The following CERS3 variants were observed in gnomAD, a reference collection of about 807,000 sequenced individuals.
CERS3 encodes the protein ceramide synthase 3.
Under a neutral mutation model 50.3 loss-of-function variants are expected in CERS3, and 33 were observed. The observed-to-expected ratio is 0.66, with a 90% CI of 0.50 to 0.88. The LOEUF is 0.88. Ranked by LOEUF, CERS3 falls within the 40% of genes least tolerant of loss-of-function variation. The pLI, the probability that CERS3 is intolerant of heterozygous loss-of-function variation, is 0.00. For missense variants in CERS3, 470 were observed against 460.3 expected (o/e 1.02, Z -0.19); for synonymous variants, 176 against 155.2 (o/e 1.13, Z -0.99).
At chr15:100,503,986 A>G (rs556860357) in intron 2 of CERS3, 21 of 321,682 alleles carry the variant, frequency 6.5e-5, no homozygotes, top group South Asian at 9.7e-5. Flanking sequence ...TGGGAAGACT[A>G]GATCAGAGGG....
intron 11 of CERS3, among the ~76,000 whole-genome samples, chr15:100,436,692 G>A (rs2033422688): frequency 6.6e-6 from 1 of 152,026 alleles, no homozygotes; most frequent in Non-Finnish European, 1.5e-5. Context: ...TTTTAATAAT[G>A]CTAACAGACC....
chr15:100,484,963 T>TA (rs562110306), intron 4 of CERS3, among the ~76,000 whole-genome samples: 179 of 152,304 alleles, frequency 1.2e-3, no homozygotes, highest in Non-Finnish European at 2.2e-3. Flanking sequence ...CTTGTTCAGC[T>TA]AAAATGTGCT....
chr15:100,448,072 T>G (rs1394115782), intron 11 of CERS3, among the ~76,000 whole-genome samples: 1 of 152,246 alleles, frequency 6.6e-6, no homozygotes, highest in Non-Finnish European at 1.5e-5. Context: ...GAGCGTTATG[T>G]GCAATTTGGA....
chr15:100,480,942 T>A (rs563402110), intron 5 of CERS3, among the ~76,000 whole-genome samples: 2 of 152,198 alleles, frequency 1.3e-5, no homozygotes, highest in African/African-American at 4.8e-5. Context: ...ACTTAATTCA[T>A]TATGCAGTCT....
At chr15:100,486,523 A>G (rs2035490275) in intron 4 of CERS3, among the ~76,000 whole-genome samples, 1 of 152,226 alleles carries the variant, frequency 6.6e-6, no homozygotes, top group African/African-American at 2.4e-5. Flanking sequence ...TTGATGACCA[A>G]ACACAGAAAG....
chr15:100,502,680 TG>T (rs1288536720), intron 2 of CERS3, among the ~76,000 whole-genome samples: 2 of 152,220 alleles, frequency 1.3e-5, no homozygotes, highest in African/African-American at 4.8e-5. Flanking sequence ...TTCTGTTATT[TG>T]TGAAGAGCCG....
chr15:100,441,434 C>T (rs1467314329), intron 11 of CERS3, among the ~76,000 whole-genome samples: 1 of 151,956 alleles, frequency 6.6e-6, no homozygotes, highest in African/African-American at 2.4e-5. Flanking sequence ...CTTCCACGCC[C>T]CAACCCCTTT....
chr15:100,469,418 T>C lies in CERS3; in HGVS notation c.805A>G (p.Thr269Ala), dbSNP rs777328609. The C allele has an allele frequency of 2.5e-6, 4 of 1,613,956 alleles. No homozygotes were observed. The highest frequency in any genetic ancestry group is 3.4e-6 in the Non-Finnish European group (4 of 1,179,928). ...ATGAGGCGGCTGATGAAAAATATGG[T>C]GGAGAAGATGAAAAACAGGGTGTTA... The part of the protein sequence containing the change: ...TCNTLFFIFS[T>A]IFFISRLIVF... Residue 269 changes from threonine (T) to alanine (A), a missense_variant, in exon 10 of 12, where the codon ACC becomes GCC. Coordinates refer to ENST00000679737, the MANE Select transcript of CERS3 (RefSeq NM_001378789.1).
At chr15:100,416,509 T>A (rs1288499250) in intron 11 of CERS3, among the ~76,000 whole-genome samples, 1 of 152,174 alleles carries the variant, frequency 6.6e-6, no homozygotes, top group Non-Finnish European at 1.5e-5. Context: ...GACTGGGTAA[T>A]TTGTAAAGGA....
intron 11 of CERS3, among the ~76,000 whole-genome samples, chr15:100,427,943 T>A (rs2587822): frequency 0.25 from 38,503 of 152,010 alleles, 5,219 homozygotes; most frequent in East Asian, 0.42. Flanking sequence ...GAGAGCCACG[T>A]CACTAAGTGA....
chr15:100,518,102 T>C (rs2036541898), intron 2 of CERS3, among the ~76,000 whole-genome samples: 2 of 152,210 alleles, frequency 1.3e-5, no homozygotes, highest in African/African-American at 4.8e-5. Flanking sequence ...AAATAAATCG[T>C]AAGACCTCAT....
intron 2 of CERS3, among the ~76,000 whole-genome samples, chr15:100,512,511 C>G (rs2036372638): frequency 6.6e-6 from 1 of 152,188 alleles, no homozygotes; most frequent in African/African-American, 2.4e-5. Flanking sequence ...TGGTTTCCAG[C>G]AAGTTCCGCT....
At chr15:100,528,234 TG>T (rs1258270274) in intron 1 of CERS3, among the ~76,000 whole-genome samples, 1 of 152,224 alleles carries the variant, frequency 6.6e-6, no homozygotes, top group African/African-American at 2.4e-5. Flanking sequence ...TAATTTCTCC[TG>T]GCATGACATT....
intron 1 of CERS3, among the ~76,000 whole-genome samples, chr15:100,527,458 G>A (rs972638981): frequency 6.6e-6 from 1 of 152,124 alleles, no homozygotes; most frequent in Non-Finnish European, 1.5e-5. Context: ...GATTGATTTT[G>A]GCCTTTTGTT....
At chr15:100,432,306 C>A (rs150613492) in intron 11 of CERS3, among the ~76,000 whole-genome samples, 262 of 152,256 alleles carry the variant, frequency 1.7e-3, no homozygotes, top group African/African-American at 5.9e-3. Context: ...CTTTCCCATT[C>A]TTAAACAAAA....
chr15:100,520,373 GTCT>G (rs1384601977), intron 2 of CERS3, among the ~76,000 whole-genome samples: 4 of 152,216 alleles, frequency 2.6e-5, no homozygotes, highest in Non-Finnish European at 2.9e-5. Flanking sequence ...CTTGGGATAG[GTCT>G]GAACCTCCAG....
chr15:100,493,130 T>C (rs1472900063), intron 3 of CERS3, among the ~76,000 whole-genome samples: 1 of 152,182 alleles, frequency 6.6e-6, no homozygotes, highest in Non-Finnish European at 1.5e-5. Flanking sequence ...TCATTTTATT[T>C]TCTTATGTAG....
At chr15:100,463,833 G>A (rs2034628564) in intron 10 of CERS3, among the ~76,000 whole-genome samples, 1 of 152,180 alleles carries the variant, frequency 6.6e-6, no homozygotes, top group Non-Finnish European at 1.5e-5. Flanking sequence ...TGACCATGGT[G>A]CCATCAGAAC....
chr15:100,481,857 T>C (rs1044923059), intron 5 of CERS3, among the ~76,000 whole-genome samples: 1 of 152,220 alleles, frequency 6.6e-6, no homozygotes, highest in African/African-American at 2.4e-5. Context: ...AACCCTGAGG[T>C]CAGAATATTT....
Sources: gnomAD v4.1 joint callset for allele counts (sites outside exome capture counted in the v4.1 genomes callset) on GRCh38, gnomAD v4.1.1 for gene constraint, MANE v1.5 for transcripts, NCBI Gene and HGNC (gene_info 2026-07-23, HGNC 2026-07-21) for gene names.